PI4KA: variants seen among roughly 807,000 people sequenced by gnomAD.
PI4KA encodes the protein phosphatidylinositol 4-kinase alpha, also known as PI4-kinase alpha.
In PI4KA, 122 loss-of-function variants were observed where a neutral mutation model predicts 271.4. The ratio of observed to expected loss-of-function variants is 0.45; its 90% CI spans 0.39 to 0.52. The LOEUF (loss-of-function observed/expected upper bound fraction) is 0.52. Ranked by LOEUF, PI4KA falls within the 20% of genes least tolerant of loss-of-function variation. The probability of loss-of-function intolerance (pLI) is 0.00; values close to 1 mark genes in which losing one functional copy is unlikely to be tolerated. For missense variants in PI4KA, 1,969 were observed against 2,769.1 expected (o/e 0.71, Z 6.48); for synonymous variants, 1,041 against 1,078.8 (o/e 0.96, Z 0.69).
rs1003420207 is a variant in PI4KA, at chr22:20,819,855, C to T, written c.575G>A (p.Arg192Gln). The change falls in exon 6 of 55, where the codon CGA becomes CAA. Residue 192 changes from arginine (R) to glutamine (Q), a missense_variant. Arg to Gln is a conservative substitution (Grantham distance 43). Coordinates refer to ENST00000255882, the MANE Select transcript of PI4KA (RefSeq NM_058004.4). ...CATGTTGCTGTAACGCCCAAATGCTCGCGAGATTCCTATCAGGCATGGGAT... is the reference window on the plus strand; with the variant it reads ...CATGTTGCTGTAACGCCCAAATGCTTGCGAGATTCCTATCAGGCATGGGAT... Reference protein sequence around the residue: ...YAIPCLIGISRAFGRYSNMEE... With the variant: ...YAIPCLIGISQAFGRYSNMEE... The T allele has an allele frequency of 1.9e-6, 3 of 1,613,898 alleles. No homozygotes were observed. Among genetic ancestry groups the T allele is most frequent in the Non-Finnish European group, 2.5e-6 (3 of 1,179,810 alleles).
At chr22:20,828,872 G>A (rs1040265325) in intron 3 of PI4KA, among the ~76,000 whole-genome samples, 3 of 152,154 alleles carry the variant, frequency 2.0e-5, no homozygotes, top group Non-Finnish European at 4.4e-5. Context: ...TTTTTAACAT[G>A]AAGGGATATT....
chr22:20,813,908 C>T (rs1198807225), intron 7 of PI4KA, among the ~76,000 whole-genome samples: 2 of 152,176 alleles, frequency 1.3e-5, no homozygotes, highest in African/African-American at 4.8e-5. Flanking sequence ...AAGCAATTCT[C>T]CTGCCTCAGC....
intron 5 of PI4KA, 95 bp from the exon 6 acceptor site, chr22:20,819,995 A>T: frequency 9.3e-7 from 1 of 1,074,476 alleles, no homozygotes; most frequent in Non-Finnish European, 1.4e-6. Flanking sequence ...AGATTTCACA[A>T]CCCACCCACT....
At chr22:20,802,936 G>A (rs1343447227) in intron 13 of PI4KA, among the ~76,000 whole-genome samples, 1 of 152,200 alleles carries the variant, frequency 6.6e-6, no homozygotes, top group African/African-American at 2.4e-5. Flanking sequence ...CACAGGATTT[G>A]CATTTCAGAC....
intron 16 of PI4KA, 100 bp downstream of exon 16, chr22:20,798,993 C>A (rs1212997368): frequency 1.0e-6 from 1 of 974,136 alleles, no homozygotes; most frequent in Non-Finnish European, 1.5e-6. Context: ...TTTAGCTCAT[C>A]TGCAAGGTAT....
Position 20,727,268 on chromosome 22 carries a change from C to T in PI4KA, c.4903G>A (p.Ala1635Thr). 1 of 1,613,464 alleles carries T rather than the reference C, an allele frequency of 6.2e-7. No homozygotes were observed. The highest frequency in any genetic ancestry group is 8.5e-7 in the Non-Finnish European group (1 of 1,179,940). ...CGCAGGACTTTCACCCCGTACTGCG[C>T]CGTGAGAGGGTGCGGCGGGTACATG... ...SSMYPPHPLT[A>T]QYGVKVLRSF... is the part of the protein sequence containing the mutation. Residue 1635 changes from alanine to threonine, a missense_variant, in exon 41 of 55, where the codon GCG becomes ACG. Physicochemically the swap from Ala to Thr is moderately conservative, Grantham distance 58 (BLOSUM62 0). Transcript: ENST00000255882.
At chr22:20,818,462 C>T (rs774357376) in intron 7 of PI4KA, 21 bp downstream of exon 7, 19 of 1,563,870 alleles carry the variant, frequency 1.2e-5, no homozygotes, top group Non-Finnish European at 1.4e-5. Flanking sequence ...TCAAAATATT[C>T]TTCGGAAAGG....
chr22:20,847,887 C>T (rs972908066), intron 1 of PI4KA, among the ~76,000 whole-genome samples: 3 of 151,800 alleles, frequency 2.0e-5, no homozygotes, highest in African/African-American at 7.3e-5. Context: ...GTAAAGAAAA[C>T]CTAAATAAAT....
At chr22:20,855,207 T>A (rs1052673004) in intron 1 of PI4KA, among the ~76,000 whole-genome samples, 8 of 151,348 alleles carry the variant, frequency 5.3e-5, no homozygotes, top group Admixed American at 5.3e-4. Flanking sequence ...GGGCTTTTTG[T>A]CAATTGCTTC....
intron 44 of PI4KA, among the ~76,000 whole-genome samples, chr22:20,718,152 T>G (rs2147192562): frequency 6.6e-6 from 1 of 152,272 alleles, no homozygotes; most frequent in African/African-American, 2.4e-5. Context: ...GAAAAGGACC[T>G]CAAAGTGACC....
At chr22:20,812,868 T>G (rs1042229761) in intron 8 of PI4KA, among the ~76,000 whole-genome samples, 1 of 152,212 alleles carries the variant, frequency 6.6e-6, no homozygotes, top group Non-Finnish European at 1.5e-5. Flanking sequence ...TCCCTGAATC[T>G]GACCAAAGCT....
At chr22:20,783,981 T>C (rs1354000033) in intron 19 of PI4KA, 1 of 1,614,160 alleles carries the variant, frequency 6.2e-7, no homozygotes, top group Non-Finnish European at 8.5e-7. Flanking sequence ...GGATCCTGGG[T>C]GAATAAATTC....
rs533518379 is a variant in PI4KA, at chr22:20,831,019, C to T, written c.367+3543G>A. Among the ~76,000 whole-genome samples, 20 of 152,186 alleles carry T rather than the reference C, an allele frequency of 1.3e-4. 1 individual carries two copies. Among genetic ancestry groups the T allele is most frequent in the Middle Eastern group, 3.4e-3 (1 of 294 alleles). ...AACTCCTGACCTCAGGTGTTCCATC[C>T]GCCTTAGACTCCCAAAGTGCTGGGA... On this transcript the variant is annotated intron_variant, in intron 3 of 54. Coordinates refer to ENST00000255882, the MANE Select transcript of PI4KA (RefSeq NM_058004.4).
chr22:20,831,158 G>A (rs990955111), intron 3 of PI4KA, among the ~76,000 whole-genome samples: 3 of 152,104 alleles, frequency 2.0e-5, no homozygotes, highest in Admixed American at 6.5e-5. Context: ...GCAGGTGGTG[G>A]TAAAGAAATC....
chr22:20,784,310 A>C, intron 19 of PI4KA: 2 of 1,604,434 alleles, frequency 1.2e-6, no homozygotes, highest in Non-Finnish European at 1.7e-6. Context: ...GGAATACTGG[A>C]AAATGGATCA....
intron 3 of PI4KA, among the ~76,000 whole-genome samples, chr22:20,833,395 T>C (rs1349862564): frequency 6.6e-6 from 1 of 152,168 alleles, no homozygotes; most frequent in Non-Finnish European, 1.5e-5. Context: ...TGCATGCTCA[T>C]TGGCTGAGGC....
chr22:20,837,848 G>A (rs1030890458), intron 2 of PI4KA, among the ~76,000 whole-genome samples: 10 of 152,070 alleles, frequency 6.6e-5, no homozygotes, highest in Non-Finnish European at 1.5e-4. Context: ...TGGCTCACAC[G>A]TGGTTCACGC....
chr22:20,745,569 A>G (rs1929957609), intron 29 of PI4KA, among the ~76,000 whole-genome samples: 1 of 152,178 alleles, frequency 6.6e-6, no homozygotes, highest in East Asian at 1.9e-4. Flanking sequence ...AAGAACAAAA[A>G]TACATGATTT....
intron 1 of PI4KA, among the ~76,000 whole-genome samples, chr22:20,844,563 T>C (rs1255616268): frequency 6.6e-6 from 1 of 152,076 alleles, no homozygotes; most frequent in Non-Finnish European, 1.5e-5. Context: ...ATAACACAAG[T>C]CAGAAACTAA....
Sources: allele counts gnomAD v4.1 joint callset (sites outside exome capture counted in the v4.1 genomes callset), GRCh38; gene constraint gnomAD v4.1.1; transcripts MANE v1.5; gene names NCBI Gene and HGNC (gene_info 2026-07-23, HGNC 2026-07-21).